The following SLC22A23 variants were observed in gnomAD, a reference collection of about 807,000 sequenced individuals.
SLC22A23 encodes the protein ion transporter protein.
SLC22A23 carries 26 observed loss-of-function variants against 61.0 expected under a neutral mutation model. That is an observed-to-expected ratio of 0.43 (90% CI 0.31 to 0.59). The LOEUF (loss-of-function observed/expected upper bound fraction) is 0.59, where lower values mean the gene tolerates loss of function less well. Ranked by LOEUF, SLC22A23 falls within the 20% of genes least tolerant of loss-of-function variation. The probability of loss-of-function intolerance (pLI) is 0.11; values close to 1 mark genes in which losing one functional copy is unlikely to be tolerated. For synonymous variants in SLC22A23, 430 were observed against 413.9 expected, an observed-to-expected ratio of 1.04 and a Z score of -0.47; for missense variants, 796 against 934.7, an observed-to-expected ratio of 0.85 and a Z score of 1.94.
chr6:3,382,477 T>C (rs1166710326), intron 3 of SLC22A23, among the ~76,000 whole-genome samples: 1 of 152,350 alleles, frequency 6.6e-6, no homozygotes, highest in East Asian at 1.9e-4. Context: ...AGCTTTATCC[T>C]TGCCTGTACT....
At position 3,329,514 on chromosome 6, in the gene SLC22A23, G is replaced by T. The variant is rs977365476; in HGVS notation, c.914-5512C>A. On this transcript the variant is annotated intron_variant, in intron 3 of 9. Transcript: ENST00000406686. This position sits in a 1 kb window ranked among gnomAD's most constrained non-coding sequence, Gnocchi z 4.8. ...CCAGAGGACAGGAATTCACAGAATT[G>T]TGCCCGCGGAACAAAGCGTGCCATG... 6.6e-6 allele frequency among the ~76,000 whole-genome samples: 1 copy of T among 152,152 alleles called. No homozygotes were observed. Among genetic ancestry groups the T allele is most frequent in the Non-Finnish European group, 1.5e-5 (1 of 68,026 alleles).
At chr6:3,416,230 G>A (rs779169768) in intron 1 of SLC22A23, among the ~76,000 whole-genome samples, 1 of 152,224 alleles carries the variant, frequency 6.6e-6, no homozygotes, top group Non-Finnish European at 1.5e-5. Flanking sequence ...TGCTCTGAGT[G>A]CCCAGGGGCT....
At chr6:3,337,694 G>A (rs1763935206) in intron 3 of SLC22A23, among the ~76,000 whole-genome samples, 1 of 152,186 alleles carries the variant, frequency 6.6e-6, no homozygotes. Flanking sequence ...ACAGCCTGGT[G>A]TGGCGACAGG....
At chr6:3,283,172 C>T (rs1759635681) in intron 9 of SLC22A23, among the ~76,000 whole-genome samples, 1 of 152,188 alleles carries the variant, frequency 6.6e-6, no homozygotes, top group Non-Finnish European at 1.5e-5. Context: ...TGGTTCACGC[C>T]TGTAATCCTA....
intron 3 of SLC22A23, among the ~76,000 whole-genome samples, chr6:3,345,961 T>C (rs1299077809): frequency 1.3e-5 from 2 of 152,206 alleles, no homozygotes; most frequent in Admixed American, 6.5e-5. Context: ...TTGGCTGCTG[T>C]GGCCTTCCTT....
chr6:3,316,728 C>A (rs771403892), intron 4 of SLC22A23, among the ~76,000 whole-genome samples: 48 of 152,202 alleles, frequency 3.2e-4, no homozygotes, highest in Non-Finnish European at 5.6e-4. Context: ...GCCTTGAACT[C>A]CTGAGCTCAA....
intron 5 of SLC22A23, chr6:3,291,981 G>C (rs1409532710): frequency 6.6e-6 from 1 of 152,140 alleles, no homozygotes; most frequent in Non-Finnish European, 1.5e-5. Flanking sequence ...CTAGAACCCA[G>C]TCTAAAAAAT....
chr6:3,369,847 G>T (rs1273333590), intron 3 of SLC22A23, among the ~76,000 whole-genome samples: 2 of 152,220 alleles, frequency 1.3e-5, no homozygotes, highest in Non-Finnish European at 2.9e-5. Flanking sequence ...TTCAGTTTTA[G>T]AAATGGTTTT....
At chr6:3,382,529 G>A (rs1767019781) in intron 3 of SLC22A23, among the ~76,000 whole-genome samples, 1 of 152,204 alleles carries the variant, frequency 6.6e-6, no homozygotes, top group African/African-American at 2.4e-5. Context: ...TGTGATCAAA[G>A]TTTCCCATCT....
chr6:3,335,519 G>A (rs76765370), intron 3 of SLC22A23, among the ~76,000 whole-genome samples: 2,118 of 152,208 alleles, frequency 0.014, 29 homozygotes, highest in Middle Eastern at 0.041. Context: ...AATTCCTCTC[G>A]CCCCATGTAT....
At position 3,450,970 on chromosome 6, in the gene SLC22A23, T is replaced by C. The variant is rs1308642449; in HGVS notation, c.654+4936A>G. 2.0e-5 allele frequency among the ~76,000 whole-genome samples: 3 copies of C among 152,236 alleles called. No homozygotes were observed. In the East Asian group the frequency reaches 5.8e-4, roughly 29 times the overall value. On this transcript the variant is annotated intron_variant, in intron 1 of 9. Transcript: ENST00000406686. ...GATACAAATTACTTCCCAGGATATT[T>C]AAGCAACTTTCAGGATAAAGGTCAG... is the stretch of plus-strand genomic sequence containing the variant.
intron 1 of SLC22A23, chr6:3,438,364 C>T: frequency 2.7e-6 from 1 of 366,340 alleles, no homozygotes. Context: ...CCACGAGGTG[C>T]CTGCCTTGGC....
intron 3 of SLC22A23, among the ~76,000 whole-genome samples, chr6:3,357,294 C>A (rs545466459): frequency 2.2e-4 from 33 of 152,276 alleles, no homozygotes; most frequent in African/African-American, 7.7e-4. Context: ...CTTATCCCAG[C>A]CTCTGTAAAG....
At position 3,297,776 on chromosome 6, in the gene SLC22A23, C is replaced by A. The variant is rs1328351516; in HGVS notation, c.1210+315G>T. The stretch of plus-strand genomic sequence containing the variant: ...GCCAGCGCTCTGGCAGTGTTTAGAC[C>A]TGGCAGGCAGGTAGGCTATGGGCCA... On this transcript the variant is annotated intron_variant, in intron 5 of 9. Coordinates refer to ENST00000406686, the MANE Select transcript of SLC22A23 (RefSeq NM_015482.2). This position sits in a 1 kb window ranked among gnomAD's most constrained non-coding sequence, Gnocchi z 4.3. Among the ~76,000 whole-genome samples the A allele has an allele frequency of 6.6e-6, 1 of 152,216 alleles. No homozygotes were observed. The highest frequency in any genetic ancestry group is 1.5e-5 in the Non-Finnish European group (1 of 68,044).
intron 3 of SLC22A23, among the ~76,000 whole-genome samples, chr6:3,399,213 C>T (rs1266161265): frequency 6.6e-6 from 1 of 152,088 alleles, no homozygotes; most frequent in Non-Finnish European, 1.5e-5. Context: ...AGAGGAAACG[C>T]CTCTTCAGAG....
At chr6:3,277,630 C>T (rs972382453) in intron 9 of SLC22A23, among the ~76,000 whole-genome samples, 5 of 152,198 alleles carry the variant, frequency 3.3e-5, no homozygotes, top group Admixed American at 2.0e-4. Flanking sequence ...CTCTAATAGA[C>T]ACCAGATGTT....
At chr6:3,405,191 G>A (rs1014208627) in intron 3 of SLC22A23, among the ~76,000 whole-genome samples, 3 of 152,002 alleles carry the variant, frequency 2.0e-5, no homozygotes, top group Non-Finnish European at 4.4e-5. Flanking sequence ...AACCTGGGGG[G>A]CGGAGGTTGT....
intron 3 of SLC22A23, among the ~76,000 whole-genome samples, chr6:3,375,288 A>C (rs1162273583): frequency 6.6e-6 from 1 of 152,212 alleles, no homozygotes; most frequent in African/African-American, 2.4e-5. Context: ...TTCAAAGCAA[A>C]CCACCTCCTG....
intron 3 of SLC22A23, among the ~76,000 whole-genome samples, chr6:3,362,149 A>C (rs1429746250): frequency 1.3e-5 from 2 of 151,966 alleles, no homozygotes; most frequent in Non-Finnish European, 2.9e-5. Flanking sequence ...CACGCCTGTA[A>C]TCCTAGGACT....
Sources: gnomAD v4.1 joint callset for allele counts (sites outside exome capture counted in the v4.1 genomes callset) on GRCh38, gnomAD v4.1.1 for gene constraint, Gnocchi (gnomAD v3.1) non-coding constraint, MANE v1.5 for transcripts, NCBI Gene and HGNC (gene_info 2026-07-23, HGNC 2026-07-21) for gene names.